Variants in ACAD8 observed in about 807,000 individuals in gnomAD.
ACAD8 encodes acyl-CoA dehydrogenase family member 8, also known as isobutyryl-CoA dehydrogenase, mitochondrial.
Under a neutral mutation model 53.1 loss-of-function variants are expected in ACAD8, and 47 were observed. The ratio of observed to expected loss-of-function variants is 0.89; its 90% confidence interval spans 0.70 to 1.13. ACAD8 has a LOEUF of 1.13. Among genes scored for constraint, ACAD8 ranks in the 50% most tolerant of loss-of-function variants. ACAD8 has a pLI of 0.00. For missense variants in ACAD8, 494 were observed against 535.0 expected (o/e 0.92, Z 0.76); for synonymous variants, 198 against 201.3 (o/e 0.98, Z 0.14).
intron 1 of ACAD8, among the ~76,000 whole-genome samples, chr11:134,253,931 C>A (rs1230177094): frequency 6.6e-6 from 1 of 151,132 alleles, no homozygotes; most frequent in Non-Finnish European, 1.5e-5. Context: ...TGGCCCGTCA[C>A]CCCTGCCCGG....
chr11:134,261,221 A>C lies in ACAD8; in HGVS notation c.841+42A>C, dbSNP rs1392792053. The C allele has an allele frequency of 6.2e-7, 1 of 1,613,880 alleles. No individual in the cohort carries two copies. Among genetic ancestry groups the C allele is most frequent in the African/African-American group, 1.3e-5 (1 of 74,880 alleles). On this transcript the variant is annotated intron_variant, in intron 7 of 10. Transcript: ENST00000281182. The surrounding 1 kb of genome is among the most constrained non-coding windows in gnomAD (Gnocchi z 4.2). Reference sequence around the variant, plus strand: ...TGTGGCAGGGAGGTAGCGGTCCGGGACAGGCACTGCTGTTTTCCAGCTTGG... The same window carrying C: ...TGTGGCAGGGAGGTAGCGGTCCGGGCCAGGCACTGCTGTTTTCCAGCTTGG...
chr11:134,258,442 C>A, intron 3 of ACAD8, 73 bp from the exon 4 acceptor site: 1 of 1,035,212 alleles, frequency 9.7e-7, no homozygotes. Flanking sequence ...TTCTCTTTCC[C>A]CTTCTCCCCC....
At position 134,259,737 on chromosome 11, in the gene ACAD8, G is replaced by A. The variant is rs1247040528; in HGVS notation, c.697G>A (p.Glu233Lys). ...CCCTGGCCTCAGCTTTGGCAAGAAG[G>A]AGAAAAAGGTGAGTGGCTGTTGGAC... ...GTPGLSFGKK[E>K]KKVGWNSQPT... is the part of the protein sequence containing the mutation. The change falls in exon 6 of 11, where the codon GAG becomes AAG. Residue 233 changes from glutamate (E) to lysine (K), a missense_variant. Glu to Lys is a moderately conservative substitution (Grantham distance 56). Transcript: ENST00000281182. 1 of 1,614,096 alleles carries A rather than the reference G, an allele frequency of 6.2e-7. No individual in the cohort carries two copies. Among genetic ancestry groups the A allele is most frequent in the African/African-American group, 1.3e-5 (1 of 74,928 alleles).
chr11:134,263,461 AC>A, intron 10 of ACAD8: 1 of 984,000 alleles, frequency 1.0e-6, no homozygotes, highest in Non-Finnish European at 1.2e-6. Context: ...TGTATCTGCA[AC>A]AAGTCTTCAA....
chr11:134,264,865 A>G, intron 10 of ACAD8, 43 bp from the exon 11 acceptor site: 1 of 1,583,188 alleles, frequency 6.3e-7, no homozygotes, highest in East Asian at 2.2e-5. Flanking sequence ...AAACTCTCAG[A>G]CTTTGCTGCT....
At chr11:134,258,020 T>C (rs1354533747) in intron 3 of ACAD8, 12 of 198,418 alleles carry the variant, frequency 6.0e-5, no homozygotes, top group South Asian at 1.7e-4. Flanking sequence ...TGGCTAATTT[T>C]TTTTCATATT....
chr11:134,258,268 G>C, intron 3 of ACAD8: 1 of 559,318 alleles, frequency 1.8e-6, no homozygotes, highest in South Asian at 2.0e-5. Context: ...AACCTAACTA[G>C]AAGTAGTACA....
chr11:134,258,300 T>A lies in ACAD8; in HGVS notation c.381-215T>A, dbSNP rs7125091. On this transcript the variant is annotated intron_variant, in intron 3 of 10. Coordinates refer to ENST00000281182, the MANE Select transcript of ACAD8 (RefSeq NM_014384.3). ...TACAAACGTGCTGGTGAGAAGTACC[T>A]CAGCCTGGTTATCTCTGGGTAGTCC... 0.012 allele frequency: 7,432 copies of A among 604,022 alleles called. 368 individuals are homozygous for A. Among genetic ancestry groups the A allele is most frequent in the African/African-American group, 0.12 (6,440 of 54,210 alleles). 37.4% of individuals were successfully genotyped at this position (604,022 alleles called of 1,614,324 possible).
At chr11:134,259,241 G>A in intron 5 of ACAD8, 157 bp downstream of exon 5, 1 of 745,082 alleles carries the variant, frequency 1.3e-6, no homozygotes, top group Non-Finnish European at 2.4e-6. Context: ...TATTCTCACT[G>A]TTTGTATCTC....
Position 134,259,027 on chromosome 11 carries a change from C to T in ACAD8, c.510C>T (p.Ala170=). The T allele has an allele frequency of 6.2e-7, 1 of 1,614,164 alleles. No individual in the cohort carries two copies. Among genetic ancestry groups the T allele is most frequent in the South Asian group, 1.1e-5 (1 of 91,086 alleles). The change falls in exon 5 of 11, where the codon GCC becomes GCT. Residue 170 remains alanine (A), a synonymous_variant. Coordinates refer to ENST00000281182, the MANE Select transcript of ACAD8 (RefSeq NM_014384.3). ...CCTCAGGAAGTGGGAGTGATGCTGC[C>T]TCTCTTCTGACCTCCGCTAAGAAAC... ...LTEPGSGSDA[A]SLLTSAKKQG... is the part of the protein sequence containing the mutation.
chr11:134,256,633 A>G lies in ACAD8; in HGVS notation c.195A>G (p.Ala65=). The G allele has an allele frequency of 6.2e-7, 1 of 1,614,232 alleles. No individual in the cohort carries two copies. The highest frequency in any genetic ancestry group is 2.2e-5 in the East Asian group (1 of 44,878). Residue 65 remains alanine (A), a synonymous_variant, in exon 2 of 11, where the codon GCA becomes GCG. Coordinates refer to ENST00000281182, the MANE Select transcript of ACAD8 (RefSeq NM_014384.3). Reference sequence around the variant, plus strand: ...CCCGAGAGATGGCTCCAAATATGGCAGAGTGGGACCAGAAGGTAGGCGTTT... The same window carrying G: ...CCCGAGAGATGGCTCCAAATATGGCGGAGTGGGACCAGAAGGTAGGCGTTT... The part of the protein sequence containing the change: ...FAAREMAPNM[A]EWDQKELFPV...
chr11:134,255,447 A>G (rs558431650), intron 1 of ACAD8, among the ~76,000 whole-genome samples: 1 of 152,234 alleles, frequency 6.6e-6, no homozygotes, highest in African/African-American at 2.4e-5. Context: ...GATCATATTT[A>G]TTTTTGTAAC....
At chr11:134,264,468 A>C (rs1241068107) in intron 10 of ACAD8, among the ~76,000 whole-genome samples, 2 of 152,194 alleles carry the variant, frequency 1.3e-5, no homozygotes, top group Non-Finnish European at 2.9e-5. Flanking sequence ...CAGTGAGCCA[A>C]GATCACACCA....
At chr11:134,262,260 C>T in intron 9 of ACAD8, 1 of 655,600 alleles carries the variant, frequency 1.5e-6, no homozygotes, top group South Asian at 1.5e-5. Context: ...TGGCTGTGGG[C>T]AGCTTCTGCC....
Position 134,264,959 on chromosome 11 carries a change from A to C in ACAD8, c.1247A>C (p.Ter416SerextTer17). 6.2e-7 allele frequency: 1 copy of C among 1,614,132 alleles called. No homozygotes were observed. Among genetic ancestry groups the C allele is most frequent in the Non-Finnish European group, 8.5e-7 (1 of 1,179,954 alleles). Residue 416 changes from the stop codon to serine (S), a stop_lost, in exon 11 of 11, where the codon TAG (stop) becomes TCG (serine). Transcript: ENST00000281182. ...ATCTCTAGAAGCCTGCTTCAGGAGT[A>C]GAACCCACACTTGTTCTGGCCTGGT... ...ILISRSLLQE[*>S] is the part of the protein sequence containing the mutation.
intron 3 of ACAD8, 79 bp from the exon 4 acceptor site, chr11:134,258,436 C>G (rs1196370397): frequency 1.3e-5 from 13 of 979,384 alleles, no homozygotes; most frequent in Non-Finnish European, 2.1e-5. Flanking sequence ...CCTTTGTTCT[C>G]TTTCCCCTTC....
chr11:134,254,354 G>A (rs1453567037), intron 1 of ACAD8, among the ~76,000 whole-genome samples: 1 of 152,164 alleles, frequency 6.6e-6, no homozygotes, highest in Non-Finnish European at 1.5e-5. Context: ...TTGCCAGTGG[G>A]AAACTCTACC....
In ACAD8 at chr11:134,261,919, T is replaced by G; in HGVS notation, c.1092+29T>G. The G allele has an allele frequency of 6.2e-7, 1 of 1,612,450 alleles. No homozygotes were observed. The highest frequency in any genetic ancestry group is 8.5e-7 in the Non-Finnish European group (1 of 1,179,914). On this transcript the variant is annotated intron_variant, in intron 9 of 10. Transcript: ENST00000281182. The surrounding 1 kb of genome is among the most constrained non-coding windows in gnomAD (Gnocchi z 4.2). Reference sequence around the variant, plus strand: ...AGTGATTCCTCTGGCTCTCCTGGGATGGACAGGGAACAGCTGCTAGGCCCA... The same window carrying G: ...AGTGATTCCTCTGGCTCTCCTGGGAGGGACAGGGAACAGCTGCTAGGCCCA...
chr11:134,257,000 G>A, intron 2 of ACAD8, 88 bp from the exon 3 acceptor site: 1 of 1,387,064 alleles, frequency 7.2e-7, no homozygotes, highest in Non-Finnish European at 1.0e-6. Flanking sequence ...TGTCGCATGT[G>A]CAAGCCTCCT....
Sources: allele counts gnomAD v4.1 joint callset (sites outside exome capture counted in the v4.1 genomes callset), GRCh38; gene constraint gnomAD v4.1.1; non-coding constraint Gnocchi (gnomAD v3.1); transcripts MANE v1.5; gene names NCBI Gene and HGNC (gene_info 2026-07-23, HGNC 2026-07-21).